Variants in RFX3 observed in about 807,000 individuals in gnomAD.
The protein encoded by RFX3 is transcription factor RFX3.
Under a neutral mutation model 98.6 loss-of-function variants are expected in RFX3, and 14 were observed. The observed-to-expected ratio is 0.14, with a 90% CI of 0.09 to 0.22. The LOEUF (loss-of-function observed/expected upper bound fraction) is 0.22. Among genes scored for constraint, RFX3 ranks in the 10% least tolerant of loss-of-function variants. The pLI, the probability that RFX3 is intolerant of heterozygous loss-of-function variation, is 1.00. For missense variants in RFX3, 639 were observed against 926.9 expected, an observed-to-expected ratio of 0.69 and a Z score of 4.03; for synonymous variants, 383 against 328.4, an observed-to-expected ratio of 1.17 and a Z score of -1.80.
intron 14 of RFX3, among the ~76,000 whole-genome samples, chr9:3,250,878 C>G (rs959949123): frequency 6.6e-6 from 1 of 152,054 alleles, no homozygotes. Flanking sequence ...CAAAAAATTC[C>G]TACCCCCAAG....
At chr9:3,266,081 T>C in intron 12 of RFX3, 127 bp downstream of exon 12, 1 of 508,960 alleles carries the variant, frequency 2.0e-6, no homozygotes, top group Non-Finnish European at 3.4e-6. Context: ...TAAAAATCAG[T>C]TTTAAAAGAT....
At chr9:3,487,695 C>A (rs1429571011) in intron 1 of RFX3, among the ~76,000 whole-genome samples, 2 of 152,080 alleles carry the variant, frequency 1.3e-5, no homozygotes, top group Admixed American at 6.6e-5. Context: ...CAGTAAAGTA[C>A]TACTCAGAGT....
chr9:3,355,595 C>G (rs775251656), intron 2 of RFX3, among the ~76,000 whole-genome samples: 1 of 151,762 alleles, frequency 6.6e-6, no homozygotes, highest in African/African-American at 2.4e-5. Flanking sequence ...AATCCAGTTA[C>G]AATTGGAGAC....
intron 1 of RFX3, among the ~76,000 whole-genome samples, chr9:3,418,667 T>C (rs1843185699): frequency 1.3e-5 from 2 of 152,128 alleles, no homozygotes; most frequent in African/African-American, 2.4e-5. Context: ...GGTGTGAGCC[T>C]CTGTGCCCGG....
rs1586945452 is a variant in RFX3 at position 3,301,618 on chromosome 9, A to T, written c.477T>A (p.Ile159=). 1 of 1,598,582 alleles carries T rather than the reference A, an allele frequency of 6.3e-7. No individual in the cohort carries two copies. Among genetic ancestry groups the T allele is most frequent in the African/African-American group, 1.3e-5 (1 of 74,726 alleles). ...TTTGCAGCGTCTCAATCGCCATTTCAATCTGATAATAGATGTCATTAAAAA... is the reference window on the plus strand; with the variant it reads ...TTTGCAGCGTCTCAATCGCCATTTCTATCTGATAATAGATGTCATTAAAAA... ...THTTRASPAT[I]EMAIETLQKS... The change falls in exon 5 of 17, where the codon ATT becomes ATA. Residue 159 remains isoleucine (I), a splice_region_variant and synonymous_variant. Transcript: ENST00000617270.
chr9:3,241,340 G>T (rs541900202), intron 15 of RFX3, among the ~76,000 whole-genome samples: 2 of 151,826 alleles, frequency 1.3e-5, no homozygotes, highest in South Asian at 4.2e-4. Context: ...GTATTTTTAG[G>T]GTACCTATTG....
At chr9:3,313,978 T>C (rs375069133) in intron 4 of RFX3, among the ~76,000 whole-genome samples, 2 of 152,192 alleles carry the variant, frequency 1.3e-5, no homozygotes, top group Admixed American at 6.5e-5. Flanking sequence ...ACTTCCCCAA[T>C]TGAACGAGGC....
At chr9:3,424,987 T>C (rs1843870107) in intron 1 of RFX3, among the ~76,000 whole-genome samples, 1 of 152,170 alleles carries the variant, frequency 6.6e-6, no homozygotes, top group African/African-American at 2.4e-5. Flanking sequence ...CCCAGCACTT[T>C]GGGAGAGCAA....
intron 16 of RFX3, among the ~76,000 whole-genome samples, chr9:3,228,171 G>A (rs933184455): frequency 3.3e-5 from 5 of 152,092 alleles, no homozygotes; most frequent in African/African-American, 1.2e-4. Flanking sequence ...GTATTGTTTT[G>A]CTTCTGCTCT....
intron 2 of RFX3, among the ~76,000 whole-genome samples, chr9:3,385,701 A>G (rs545340109): frequency 3.2e-5 from 3 of 93,494 alleles, no homozygotes; most frequent in South Asian, 4.3e-4. Flanking sequence ...AAAAAAAAAA[A>G]AAAGAAAAGA....
chr9:3,263,104 A>G lies in RFX3; in HGVS notation c.1456-20T>C. ...GGCAACCTGTAACGCAATCCAATTAAGTTGGGATTCTGTTTCCTCCAGTAA... is the reference window on the plus strand; with the variant it reads ...GGCAACCTGTAACGCAATCCAATTAGGTTGGGATTCTGTTTCCTCCAGTAA... On this transcript the variant is annotated intron_variant, in intron 12 of 16. Coordinates refer to ENST00000617270, the MANE Select transcript of RFX3 (RefSeq NM_001282116.2). The G allele has an allele frequency of 6.2e-7, 1 of 1,609,506 alleles. No individual in the cohort carries two copies. Among genetic ancestry groups the G allele is most frequent in the Non-Finnish European group, 8.5e-7 (1 of 1,177,684 alleles).
intron 15 of RFX3, among the ~76,000 whole-genome samples, chr9:3,237,658 T>C (rs636595): frequency 0.79 from 119,579 of 152,172 alleles, 49,881 homozygotes; most frequent in East Asian, 0.97. Context: ...CTTACCTACC[T>C]AAATTAATCT....
chr9:3,513,341 G>A (rs965154946), intron 1 of RFX3, among the ~76,000 whole-genome samples: 1 of 152,046 alleles, frequency 6.6e-6, no homozygotes, highest in African/African-American at 2.4e-5. Context: ...TCCCTGAAAT[G>A]ATATTTCTTT....
At chr9:3,439,384 T>A (rs1299913361) in intron 1 of RFX3, among the ~76,000 whole-genome samples, 2 of 151,888 alleles carry the variant, frequency 1.3e-5, no homozygotes, top group Non-Finnish European at 2.9e-5. Context: ...AAAATCTCAT[T>A]CTTTGAAATG....
At chr9:3,422,142 A>T (rs181873265) in intron 1 of RFX3, among the ~76,000 whole-genome samples, 23 of 152,324 alleles carry the variant, frequency 1.5e-4, no homozygotes, top group Admixed American at 1.3e-3. Flanking sequence ...AACTGAACCC[A>T]TGGGATTTAC....
intron 7 of RFX3, among the ~76,000 whole-genome samples, chr9:3,285,923 G>A (rs1423914060): frequency 6.6e-6 from 1 of 151,852 alleles, no homozygotes; most frequent in Non-Finnish European, 1.5e-5. Flanking sequence ...ACCACAGAAA[G>A]TACTGGGCCT....
chr9:3,505,444 T>TAAATATAAAATAAAATACTTTATAG (rs1430484594), intron 1 of RFX3, among the ~76,000 whole-genome samples: 1 of 332 alleles, frequency 3.0e-3, no homozygotes, highest in East Asian at 0.25. Flanking sequence ...ATATTTTATA[T>TAAATATAAAATAAAATACTTTATAG]TTATATAAAA....
chr9:3,309,485 G>GC, intron 4 of RFX3, among the ~76,000 whole-genome samples: 1 of 151,896 alleles, frequency 6.6e-6, no homozygotes, highest in Non-Finnish European at 1.5e-5. Flanking sequence ...GCATTCAAGA[G>GC]CCACCCTGAG....
chr9:3,344,752 A>G, intron 3 of RFX3: 1 of 670,580 alleles, frequency 1.5e-6, no homozygotes, highest in Non-Finnish European at 2.7e-6. Context: ...CAGTGTCTAC[A>G]AAGCCATTTA....
Sources: allele counts gnomAD v4.1 joint callset (sites outside exome capture counted in the v4.1 genomes callset), GRCh38; gene constraint gnomAD v4.1.1; transcripts MANE v1.5; gene names NCBI Gene and HGNC (gene_info 2026-07-23, HGNC 2026-07-21).